The following SEMA3A variants were observed in gnomAD, a reference collection of about 807,000 sequenced individuals.
The protein encoded by SEMA3A is semaphorin-3A.
A neutral mutation model predicts 97.9 loss-of-function variants in SEMA3A; 29 were observed. That is an observed-to-expected ratio of 0.30 (90% CI 0.22 to 0.40). SEMA3A has a LOEUF of 0.40. Ranked by LOEUF, SEMA3A falls within the 10% of genes least tolerant of loss-of-function variation. The pLI is 1.00. For synonymous variants in SEMA3A, 321 were observed against 323.7 expected, an observed-to-expected ratio of 0.99 and a Z score of 0.09; for missense variants, 763 against 951.3, an observed-to-expected ratio of 0.80 and a Z score of 2.60.
Position 84,443,782 on chromosome 7 carries a change from C to T in SEMA3A, c.-246+48678G>A, listed in dbSNP as rs551642725. On this transcript the variant is annotated intron_variant, in intron 1 of 3. Transcript: ENST00000424555. ...AAGTCAACAAGCAAAATTCCTTGAG[C>T]ATTGCAAAAAATTCTTACCATGATC... Among the ~76,000 whole-genome samples, 20 of 151,900 alleles carry T rather than the reference C, an allele frequency of 1.3e-4. No individual in the cohort carries two copies. In the East Asian group the frequency reaches 3.7e-3, roughly 28 times the overall value.
chr7:84,145,276 C>A (rs1796429491), intron 1 of SEMA3A, among the ~76,000 whole-genome samples: 1 of 152,112 alleles, frequency 6.6e-6, no homozygotes, highest in Admixed American at 6.6e-5. Flanking sequence ...ACTGCTTTAT[C>A]TCCTTAGCTC....
At chr7:84,342,305 G>A (rs1802190543) in intron 2 of SEMA3A, among the ~76,000 whole-genome samples, 2 of 152,090 alleles carry the variant, frequency 1.3e-5, no homozygotes, top group Non-Finnish European at 2.9e-5. Flanking sequence ...AAAGTGCTGG[G>A]TTTACAGGTG....
intron 4 of SEMA3A, among the ~76,000 whole-genome samples, chr7:84,065,205 T>C (rs1178878236): frequency 7.3e-6 from 1 of 136,496 alleles, no homozygotes; most frequent in African/African-American, 2.9e-5. Flanking sequence ...GAAATAAAGA[T>C]GTTCTTTGAA....
chr7:84,012,203 T>C (rs1790910243), intron 7 of SEMA3A, among the ~76,000 whole-genome samples: 1 of 152,124 alleles, frequency 6.6e-6, no homozygotes. Flanking sequence ...TACTGAAAAT[T>C]GTGAAAAGAG....
chr7:84,414,480 C>G (rs1562939150), intron 1 of SEMA3A, among the ~76,000 whole-genome samples: 1 of 150,814 alleles, frequency 6.6e-6, no homozygotes. Flanking sequence ...TGAAATGAAA[C>G]TTTACAATGG....
chr7:83,982,472 G>T (rs1183283985), intron 13 of SEMA3A, among the ~76,000 whole-genome samples: 1 of 152,086 alleles, frequency 6.6e-6, no homozygotes, highest in Non-Finnish European at 1.5e-5. Flanking sequence ...AACACAAAAT[G>T]AAATAAAATT....
intron 3 of SEMA3A, among the ~76,000 whole-genome samples, chr7:84,243,138 G>A (rs530552413): frequency 6.2e-4 from 95 of 152,102 alleles, no homozygotes; most frequent in Non-Finnish European, 1.1e-3. Context: ...GCCAGGTTTT[G>A]GTATCAGGAT....
At chr7:84,121,046 A>G (rs1226602691) in intron 3 of SEMA3A, among the ~76,000 whole-genome samples, 4 of 152,112 alleles carry the variant, frequency 2.6e-5, no homozygotes, top group Admixed American at 6.5e-5. Context: ...ACCTTTAGAT[A>G]TTGATGGAGA....
chr7:84,086,963 G>A (rs1794399962), intron 4 of SEMA3A, among the ~76,000 whole-genome samples: 1 of 151,910 alleles, frequency 6.6e-6, no homozygotes, highest in African/African-American at 2.4e-5. Flanking sequence ...TCTTTCAAGA[G>A]TCTTCATAAT....
intron 1 of SEMA3A, among the ~76,000 whole-genome samples, chr7:84,400,580 G>A (rs1803874951): frequency 6.6e-6 from 1 of 152,112 alleles, no homozygotes; most frequent in Admixed American, 6.6e-5. Flanking sequence ...ATACTTGAAA[G>A]TTACATAGAG....
At chr7:84,246,296 C>G (rs1799475484) in intron 3 of SEMA3A, among the ~76,000 whole-genome samples, 1 of 152,178 alleles carries the variant, frequency 6.6e-6, no homozygotes, top group South Asian at 2.1e-4. Flanking sequence ...TTTGTTACAG[C>G]TGCGCCAGAA....
At chr7:84,189,780 T>G (rs1797985131) in intron 1 of SEMA3A, among the ~76,000 whole-genome samples, 1 of 151,632 alleles carries the variant, frequency 6.6e-6, no homozygotes, top group Non-Finnish European at 1.5e-5. Context: ...TCCTGAAAGA[T>G]CCATGAAATA....
At chr7:84,388,592 A>G (rs1227607841) in intron 1 of SEMA3A, among the ~76,000 whole-genome samples, 1 of 152,040 alleles carries the variant, frequency 6.6e-6, no homozygotes, top group Non-Finnish European at 1.5e-5. Context: ...GTGATATTTT[A>G]TTCAATTATA....
chr7:84,271,256 T>G (rs773555223), intron 3 of SEMA3A, among the ~76,000 whole-genome samples: 1 of 152,056 alleles, frequency 6.6e-6, no homozygotes, highest in South Asian at 2.1e-4. Context: ...TGCGCAGTCA[T>G]AGCTCACTGC....
At chr7:84,391,869 A>T (rs1803588393) in intron 1 of SEMA3A, among the ~76,000 whole-genome samples, 1 of 151,716 alleles carries the variant, frequency 6.6e-6, no homozygotes, top group Admixed American at 6.6e-5. Flanking sequence ...GCTACTTGGG[A>T]GGCTGAGGTG....
rs1790138552 is a variant in SEMA3A, at chr7:83,994,851, G to C, written c.1452+7104C>G. ...AGCTGTGGTGGGCTCCACCCAGTTG[G>C]AACTTCCCGGCTGCTTTGTTTACCT... On this transcript the variant is annotated intron_variant, in intron 12 of 16. Coordinates refer to ENST00000265362, the MANE Select transcript of SEMA3A (RefSeq NM_006080.3). 8.5e-5 allele frequency among the ~76,000 whole-genome samples: 13 copies of C among 152,152 alleles called. 1 individual carries two copies. In the South Asian group the frequency reaches 2.7e-3, roughly 32 times the overall value.
chr7:84,147,704 T>A (rs1257259067), intron 1 of SEMA3A, among the ~76,000 whole-genome samples: 1 of 152,208 alleles, frequency 6.6e-6, no homozygotes, highest in East Asian at 1.9e-4. Context: ...AAAGTAGATA[T>A]GTTTATGAAT....
At chr7:84,059,294 A>G (rs1355743995) in intron 5 of SEMA3A, among the ~76,000 whole-genome samples, 1 of 152,172 alleles carries the variant, frequency 6.6e-6, no homozygotes, top group African/African-American at 2.4e-5. Flanking sequence ...AAATGGACTA[A>G]AAGTGTCCAC....
At chr7:84,185,982 C>CA (rs1797871120) in intron 1 of SEMA3A, among the ~76,000 whole-genome samples, 1 of 152,106 alleles carries the variant, frequency 6.6e-6, no homozygotes, top group African/African-American at 2.4e-5. Flanking sequence ...ATCTCACTGT[C>CA]AGTCAAATAT....
Sources: gnomAD v4.1 joint callset for allele counts (sites outside exome capture counted in the v4.1 genomes callset) on GRCh38, gnomAD v4.1.1 for gene constraint, MANE v1.5 for transcripts, NCBI Gene and HGNC (gene_info 2026-07-23, HGNC 2026-07-21) for gene names.